The following MIA2 variants were observed in gnomAD, a reference collection of about 807,000 sequenced individuals.
MIA2 encodes MIA SH3 domain ER export factor 2.
MIA2 carries 127 observed loss-of-function variants against 167.8 expected under a neutral mutation model. That is an observed-to-expected ratio of 0.76 (90% CI 0.66 to 0.88). The LOEUF (loss-of-function observed/expected upper bound fraction) is 0.88. MIA2 is among the 40% of genes least tolerant of loss of function. The probability of loss-of-function intolerance (pLI) is 0.00; values close to 1 mark genes in which losing one functional copy is unlikely to be tolerated. For synonymous variants in MIA2, 552 were observed against 541.9 expected, an observed-to-expected ratio of 1.02 and a Z score of -0.26; for missense variants, 1,690 against 1,624.7, an observed-to-expected ratio of 1.04 and a Z score of -0.69.
At chr14:39,291,521 C>T (rs2060738393) in intron 10 of MIA2, among the ~76,000 whole-genome samples, 1 of 152,106 alleles carries the variant, frequency 6.6e-6, no homozygotes, top group Non-Finnish European at 1.5e-5. Context: ...TTATTTTCAT[C>T]CTGAGGATAT....
In MIA2 at chr14:39,350,450, A is replaced by C; in HGVS notation, c.*186A>C. The stretch of plus-strand genomic sequence containing the variant: ...CTTATGAGTAAATTATTTCAATTTT[A>C]TTTTAGACGGTATAACTATTTCAAT... On this transcript the variant is annotated 3_prime_UTR_variant, in exon 29 of 29. Coordinates refer to ENST00000640607, the MANE Select transcript of MIA2 (RefSeq NM_001329214.4). 2.3e-6 allele frequency: 1 copy of C among 439,824 alleles called. No homozygotes were observed. The highest frequency in any genetic ancestry group is 4.1e-6 in the Non-Finnish European group (1 of 246,562). The allele number at this position is 439,824 out of a possible 1,614,324, so 27.2% of individuals were successfully genotyped here. A position where few individuals can be genotyped will look rare whatever the true frequency, so the allele number is the denominator to read the frequency against.
At position 39,247,433 on chromosome 14, in the gene MIA2, G is replaced by T. The variant is rs1245867892; in HGVS notation, c.859G>T (p.Val287Leu). 2 of 1,614,042 alleles carry T rather than the reference G, an allele frequency of 1.2e-6. No homozygotes were observed. Among genetic ancestry groups the T allele is most frequent in the South Asian group, 2.2e-5 (2 of 91,080 alleles). ...QQESESEIDS[V>L]PKTQSELASE... ...AGAATCTGAATCAGAAATTGATTCA[G>T]TGCCAAAGACACAGTCTGAACTAGC... The change falls in exon 4 of 29, where the codon GTG (valine) becomes TTG (leucine). Residue 287 changes from valine (V) to leucine (L), a missense_variant. Physicochemically the swap from Val to Leu is conservative, Grantham distance 32. Transcript: ENST00000640607.
At chr14:39,328,711 A>G (rs2068108434) in intron 25 of MIA2, among the ~76,000 whole-genome samples, 1 of 152,158 alleles carries the variant, frequency 6.6e-6, no homozygotes, top group Non-Finnish European at 1.5e-5. Flanking sequence ...AACGCAATTT[A>G]TTAAATAGGG....
In MIA2 at chr14:39,242,227, A is replaced by ATTTTTTTT. The variant is rs1350623746; in HGVS notation, c.336+1580_336+1581insTTTTTTTT. ...TGCTGAGTTTGAAAATTAAAAATAA[A>ATTTTTTTT]AACCAGTGCCTTGGAGAGGCCTTCC... On this transcript the variant is annotated intron_variant, in intron 3 of 28. Coordinates refer to ENST00000640607, the MANE Select transcript of MIA2 (RefSeq NM_001329214.4). 4.6e-5 allele frequency among the ~76,000 whole-genome samples: 7 copies of ATTTTTTTT among 152,346 alleles called. No homozygotes were observed. In the South Asian group the frequency reaches 8.3e-4, roughly 18 times the overall value.
intron 22 of MIA2, among the ~76,000 whole-genome samples, chr14:39,318,319 A>G (rs1031746016): frequency 1.3e-5 from 2 of 152,172 alleles, no homozygotes; most frequent in Admixed American, 1.3e-4. Context: ...AATCTCTCTG[A>G]CATAGTAATG....
chr14:39,371,980 A>C (rs1196354006), intron 23 of MIA2, among the ~76,000 whole-genome samples: 1 of 151,954 alleles, frequency 6.6e-6, no homozygotes, highest in African/African-American at 2.4e-5. Flanking sequence ...TAAATTGGAA[A>C]ATTTTAGCAA....
intron 26 of MIA2, 78 bp from the exon 27 acceptor site, chr14:39,347,635 C>A: frequency 6.8e-7 from 1 of 1,475,950 alleles, no homozygotes. Flanking sequence ...TGGGAAAATA[C>A]CAATTTTGTG....
chr14:39,318,876 A>G (rs138379339), intron 22 of MIA2, among the ~76,000 whole-genome samples: 1 of 152,282 alleles, frequency 6.6e-6, no homozygotes, highest in Non-Finnish European at 1.5e-5. Context: ...CCTTAGTTGT[A>G]AAATGATAGA....
intron 23 of MIA2, among the ~76,000 whole-genome samples, chr14:39,362,278 T>C (rs79274899): frequency 6.6e-6 from 1 of 152,228 alleles, no homozygotes; most frequent in Non-Finnish European, 1.5e-5. Flanking sequence ...TAATTCTTTA[T>C]AAGTTTGCTA....
chr14:39,266,976 T>G (rs936419508), intron 6 of MIA2: 1 of 736,216 alleles, frequency 1.4e-6, no homozygotes, highest in Non-Finnish European at 1.7e-6. Context: ...GCGCGGAGTA[T>G]GAGGCCGAAT....
chr14:39,348,994 T>C lies in MIA2; in HGVS notation c.4072+17T>C, dbSNP rs756800272. The stretch of plus-strand genomic sequence containing the variant: ...CATTTGCAAGTATGCTTTTTTAAAC[T>C]TTTTTTTTAAAGCTCAATATGTGGT... On this transcript the variant is annotated intron_variant, in intron 28 of 28. Coordinates refer to ENST00000640607, the MANE Select transcript of MIA2 (RefSeq NM_001329214.4). 9 of 1,536,660 alleles carry C rather than the reference T, an allele frequency of 5.9e-6. No individual in the cohort carries two copies. Among genetic ancestry groups the C allele is most frequent in the East Asian group, 2.3e-5 (1 of 43,932 alleles).
intron 9 of MIA2, among the ~76,000 whole-genome samples, chr14:39,283,341 A>G (rs983128921): frequency 6.6e-6 from 1 of 152,194 alleles, no homozygotes; most frequent in Non-Finnish European, 1.5e-5. Context: ...GTACCCATCT[A>G]CATCCCTGCC....
intron 10 of MIA2, among the ~76,000 whole-genome samples, chr14:39,292,402 T>A (rs2060858061): frequency 6.6e-6 from 1 of 152,184 alleles, no homozygotes; most frequent in East Asian, 1.9e-4. Context: ...TTTCAGTAAT[T>A]TTTTAGCATA....
chr14:39,276,806 G>T, intron 6 of MIA2, 128 bp from the exon 7 acceptor site: 2 of 930,096 alleles, frequency 2.2e-6, no homozygotes, highest in Non-Finnish European at 3.2e-6. Flanking sequence ...AATGTACTCT[G>T]ATACTTTCTG....
At chr14:39,267,305 C>A in intron 6 of MIA2, 2 of 1,477,750 alleles carry the variant, frequency 1.4e-6, no homozygotes, top group Non-Finnish European at 1.8e-6. Flanking sequence ...GTGCCCCTGT[C>A]CCCCAGCTCC....
chr14:39,295,229 C>T (rs1202802912), intron 13 of MIA2, among the ~76,000 whole-genome samples, 200 bp downstream of exon 13: 1 of 152,138 alleles, frequency 6.6e-6, no homozygotes, highest in Non-Finnish European at 1.5e-5. Context: ...CCCTCTACCC[C>T]AGGGCAGGGA....
At chr14:39,308,923 T>C (rs1412188766) in intron 18 of MIA2, among the ~76,000 whole-genome samples, 1 of 152,226 alleles carries the variant, frequency 6.6e-6, no homozygotes, top group African/African-American at 2.4e-5. Flanking sequence ...CTCTGATATA[T>C]GTAAAACTGA....
At chr14:39,310,209 G>A (rs1232084470) in intron 18 of MIA2, among the ~76,000 whole-genome samples, 2 of 152,118 alleles carry the variant, frequency 1.3e-5, no homozygotes, top group Non-Finnish European at 2.9e-5. Context: ...GTGACACTCT[G>A]CTTTCTTGTT....
chr14:39,307,096 TC>T (rs1566848459), intron 17 of MIA2, among the ~76,000 whole-genome samples: 1 of 152,134 alleles, frequency 6.6e-6, no homozygotes, highest in Non-Finnish European at 1.5e-5. Flanking sequence ...TATGAGAAGA[TC>T]TAGATTTCTG....
Sources: allele counts gnomAD v4.1 joint callset (sites outside exome capture counted in the v4.1 genomes callset), GRCh38; gene constraint gnomAD v4.1.1; transcripts MANE v1.5; gene names NCBI Gene and HGNC (gene_info 2026-07-23, HGNC 2026-07-21).